COL23A1: variants seen among roughly 807,000 people sequenced by gnomAD.
COL23A1 encodes collagen alpha-1(XXIII) chain.
COL23A1 carries 97 observed loss-of-function variants against 99.3 expected under a neutral mutation model. That is an observed-to-expected ratio of 0.98 (90% CI 0.83 to 1.16). COL23A1 has a LOEUF of 1.16. Ranked by LOEUF, COL23A1 falls within the 50% of genes most tolerant of loss-of-function variation. The probability of loss-of-function intolerance (pLI) is 0.00; values close to 1 mark genes in which losing one functional copy is unlikely to be tolerated. For synonymous variants in COL23A1, 320 were observed against 308.2 expected (o/e 1.04, Z -0.40); for missense variants, 762 against 757.4 (o/e 1.01, Z -0.07).
Position 178,350,941 on chromosome 5 carries a change from C to T in COL23A1, c.362-44022G>A, listed in dbSNP as rs139766903. The stretch of plus-strand genomic sequence containing the variant: ...TCTATCCAACAGTCATGTCCCAGGC[C>T]GGAATCCTCCCAACCAGGGAGGGAC... On this transcript the variant is annotated intron_variant, in intron 2 of 28. Coordinates refer to ENST00000390654, the MANE Select transcript of COL23A1 (RefSeq NM_173465.4). The T allele has an allele frequency of 1.2e-3, 187 of 152,390 alleles. No homozygotes were observed. In the Middle Eastern group the frequency reaches 0.027, roughly 22 times the overall value. The allele number at this position is 152,390 out of a possible 1,614,324, so 9.4% of individuals were successfully genotyped here. A position where few individuals can be genotyped will look rare whatever the true frequency, so the allele number is the denominator to read the frequency against.
Position 178,389,224 on chromosome 5 carries a change from A to G in COL23A1, c.362-82305T>C, listed in dbSNP as rs892721376. 6.5e-4 allele frequency among the ~76,000 whole-genome samples: 99 copies of G among 152,116 alleles called. 2 individuals are homozygous for G. Among genetic ancestry groups the G allele is most frequent in the Admixed American group, 9.8e-4 (15 of 15,274 alleles). The stretch of plus-strand genomic sequence containing the variant: ...CTTTACAAAATTTTTGCTGCCTGGA[A>G]GCGGCTTTCCTTTTCCTCCACCCAG... On this transcript the variant is annotated intron_variant, in intron 2 of 28. Transcript: ENST00000390654.
intron 2 of COL23A1, among the ~76,000 whole-genome samples, chr5:178,364,336 A>G (rs1254939992): frequency 7.1e-6 from 1 of 139,972 alleles, no homozygotes; most frequent in Non-Finnish European, 1.6e-5. Context: ...TGCTTGCCTC[A>G]TTTCTAGGTT....
chr5:178,315,083 A>G (rs1758906610), intron 2 of COL23A1, among the ~76,000 whole-genome samples: 1 of 152,140 alleles, frequency 6.6e-6, no homozygotes, highest in African/African-American at 2.4e-5. Context: ...CTTTATGCAT[A>G]GCATGCCCTC....
chr5:178,300,555 CT>C (rs545299945), intron 3 of COL23A1, among the ~76,000 whole-genome samples: 14,530 of 143,632 alleles, frequency 0.1, 752 homozygotes, highest in Middle Eastern at 0.18. Context: ...TTTCAAGATT[CT>C]TTTTTTTTTT....
At chr5:178,496,040 C>T (rs1758182524) in intron 2 of COL23A1, among the ~76,000 whole-genome samples, 1 of 152,176 alleles carries the variant, frequency 6.6e-6, no homozygotes, top group South Asian at 2.1e-4. Context: ...TGCTTCATTT[C>T]ACCCCTTTGG....
chr5:178,431,939 A>G (rs1766287570), intron 2 of COL23A1, among the ~76,000 whole-genome samples: 1 of 152,228 alleles, frequency 6.6e-6, no homozygotes, highest in Non-Finnish European at 1.5e-5. Flanking sequence ...TAGACTAAAC[A>G]CGGGATGGGG....
intron 2 of COL23A1, among the ~76,000 whole-genome samples, chr5:178,455,590 G>A (rs1767737324): frequency 6.6e-6 from 1 of 152,204 alleles, no homozygotes. Context: ...AATCACGGGA[G>A]TCCCCCTGCA....
At chr5:178,516,143 C>T (rs922824000) in intron 2 of COL23A1, among the ~76,000 whole-genome samples, 1 of 152,234 alleles carries the variant, frequency 6.6e-6, no homozygotes, top group Non-Finnish European at 1.5e-5. Context: ...ATTTCCACCA[C>T]CCTACCCCTC....
chr5:178,547,853 ACACACC>A (rs1235639942), intron 2 of COL23A1, among the ~76,000 whole-genome samples: 1 of 20,844 alleles, frequency 4.8e-5, no homozygotes, highest in Non-Finnish European at 8.3e-5. Flanking sequence ...ACCCACCTAC[ACACACC>A]CACACCCACA....
At chr5:178,482,919 G>C (rs1271332359) in intron 2 of COL23A1, among the ~76,000 whole-genome samples, 1 of 151,566 alleles carries the variant, frequency 6.6e-6, no homozygotes, top group African/African-American at 2.4e-5. Context: ...AAAGAAAAAA[G>C]AAAAGACTTA....
intron 2 of COL23A1, among the ~76,000 whole-genome samples, chr5:178,557,837 C>T (rs1020354358): frequency 2.6e-5 from 4 of 152,196 alleles, no homozygotes; most frequent in Admixed American, 2.6e-4. Context: ...CATGGGCCGG[C>T]CTGCTGGGGT....
chr5:178,357,084 T>C (rs1456295892), intron 2 of COL23A1, among the ~76,000 whole-genome samples: 1 of 152,242 alleles, frequency 6.6e-6, no homozygotes, highest in East Asian at 1.9e-4. Flanking sequence ...GAGCTAAAGA[T>C]GTACTTCCCT....
chr5:178,301,844 GAGCACAGCTTCAATGCTGCACCTCGCAC>G (rs1758052160), intron 3 of COL23A1, among the ~76,000 whole-genome samples: 1 of 147,950 alleles, frequency 6.8e-6, no homozygotes, highest in Non-Finnish European at 1.5e-5. Flanking sequence ...GTGTGCGCCG[GAGCACAGCTTCAATGCTGCACCTCGCAC>G]AGCACAGCTT....
chr5:178,279,404 G>A (rs942257924), intron 5 of COL23A1, among the ~76,000 whole-genome samples: 22 of 152,182 alleles, frequency 1.4e-4, no homozygotes, highest in African/African-American at 4.6e-4. Flanking sequence ...GCCTTGGCTC[G>A]CACACCCCTG....
At chr5:178,311,155 C>T (rs546646280) in intron 2 of COL23A1, among the ~76,000 whole-genome samples, 34 of 152,310 alleles carry the variant, frequency 2.2e-4, no homozygotes, top group Admixed American at 2.2e-3. Flanking sequence ...GGTGCCACCA[C>T]AGTGGCATCT....
chr5:178,336,992 CCG>C (rs1760357840), intron 2 of COL23A1, among the ~76,000 whole-genome samples: 1 of 151,802 alleles, frequency 6.6e-6, no homozygotes, highest in East Asian at 1.9e-4. Flanking sequence ...ACACTCCTCC[CCG>C]GAGCCAGCGA....
chr5:178,375,655 G>A (rs1313889970), intron 2 of COL23A1, among the ~76,000 whole-genome samples: 1 of 152,190 alleles, frequency 6.6e-6, no homozygotes, highest in Non-Finnish European at 1.5e-5. Context: ...GGTGGCCCCT[G>A]TGCTGGATCC....
intron 2 of COL23A1, among the ~76,000 whole-genome samples, chr5:178,321,718 C>T (rs1581148775): frequency 1.3e-5 from 2 of 151,584 alleles, no homozygotes; most frequent in Non-Finnish European, 2.9e-5. Flanking sequence ...CTCTATCTCC[C>T]GACCTTGTGA....
chr5:178,442,115 C>A (rs1307438912), intron 2 of COL23A1, among the ~76,000 whole-genome samples: 1 of 151,970 alleles, frequency 6.6e-6, no homozygotes. Flanking sequence ...AGACCCCGAG[C>A]CTGGCCCCTG....
Sources: allele counts gnomAD v4.1 joint callset (sites outside exome capture counted in the v4.1 genomes callset), GRCh38; gene constraint gnomAD v4.1.1; transcripts MANE v1.5; gene names NCBI Gene and HGNC (gene_info 2026-07-23, HGNC 2026-07-21).